The following DIXDC1 variants were observed in gnomAD, a reference collection of about 807,000 sequenced individuals.
DIXDC1 encodes DIX domain containing 1, also known as dixin.
Under a neutral mutation model 103.1 loss-of-function variants are expected in DIXDC1, and 64 were observed. The observed-to-expected ratio is 0.62, with a 90% confidence interval of 0.51 to 0.76. The LOEUF is 0.76. Ranked by LOEUF, DIXDC1 falls within the 30% of genes least tolerant of loss-of-function variation. DIXDC1 has a pLI of 0.00. For synonymous variants in DIXDC1, 266 were observed against 298.5 expected (o/e 0.89, Z 1.12); for missense variants, 759 against 834.2 (o/e 0.91, Z 1.11).
At chr11:111,959,824 GT>G (rs1426687244) in intron 1 of DIXDC1, among the ~76,000 whole-genome samples, 1 of 152,202 alleles carries the variant, frequency 6.6e-6, no homozygotes, top group Non-Finnish European at 1.5e-5. Context: ...ATACTTAGTG[GT>G]TTTGAATGAC....
At chr11:111,950,436 ATATTTTTTTTTTTTTTTTT>A (rs1377891723) in intron 1 of DIXDC1, among the ~76,000 whole-genome samples, 18 of 20,882 alleles carry the variant, frequency 8.6e-4, no homozygotes, top group African/African-American at 4.5e-3. Flanking sequence ...ATATATATAT[ATATTTTTTTTTTTTTTTTT>A]TTTTTTTTTT....
intron 1 of DIXDC1, among the ~76,000 whole-genome samples, chr11:111,949,805 C>T (rs1249227211): frequency 1.3e-5 from 2 of 152,198 alleles, no homozygotes; most frequent in Non-Finnish European, 2.9e-5. Context: ...TGCCCTTGTC[C>T]TCTCTGCAAT....
In DIXDC1 at chr11:111,998,394, T is replaced by C. The variant is rs587729592; in HGVS notation, c.1756+2248T>C. 6.6e-6 allele frequency among the ~76,000 whole-genome samples: 1 copy of C among 152,342 alleles called. No individual in the cohort carries two copies. The highest frequency in any genetic ancestry group is 1.9e-4 in the East Asian group (1 of 5,190). On this transcript the variant is annotated intron_variant, in intron 17 of 19. Transcript: ENST00000440460. The surrounding 1 kb of genome is among the most constrained non-coding windows in gnomAD (Gnocchi z 4.1). The stretch of plus-strand genomic sequence containing the variant: ...TGATGTGTCCTGGGATTCCATCCAA[T>C]TGAAGCCTAAACCTAAGCCTTTTCA...
At chr11:111,964,030 C>T (rs1043639946) in intron 1 of DIXDC1, among the ~76,000 whole-genome samples, 4 of 152,320 alleles carry the variant, frequency 2.6e-5, no homozygotes, top group Middle Eastern at 3.4e-3. Context: ...ACTTAAGTCT[C>T]ATTTTGAAGA....
chr11:111,964,473 G>C lies in DIXDC1; in HGVS notation c.61-76G>C. 4 of 1,513,452 alleles carry C rather than the reference G, an allele frequency of 2.6e-6. No individual in the cohort carries two copies. In the South Asian group the frequency reaches 3.7e-5, roughly 14 times the overall value. The allele number at this position is 1,513,452 out of a possible 1,614,324, so 93.8% of individuals were successfully genotyped here. A position where few individuals can be genotyped will look rare whatever the true frequency, so the allele number is the denominator to read the frequency against. On this transcript the variant is annotated intron_variant, in intron 1 of 19. Transcript: ENST00000440460. ...TGTTTATTATACCCCAGTCACAAACGCTTCCTCAGAGGGTATGAGGTAAGG... is the reference window on the plus strand; with the variant it reads ...TGTTTATTATACCCCAGTCACAAACCCTTCCTCAGAGGGTATGAGGTAAGG...
intron 1 of DIXDC1, among the ~76,000 whole-genome samples, chr11:111,961,992 T>C (rs1170509311): frequency 2.0e-5 from 3 of 152,192 alleles, no homozygotes; most frequent in Admixed American, 2.0e-4. Flanking sequence ...TAGCACCCTA[T>C]GTACCCCGTC....
chr11:111,934,792 T>A (rs1966142204), upstream of DIXDC1, among the ~76,000 whole-genome samples: 1 of 152,228 alleles, frequency 6.6e-6, no homozygotes, highest in African/African-American at 2.4e-5. Flanking sequence ...ATTTTGTGCT[T>A]TTTCCAAATG....
At position 111,977,241 on chromosome 11, in the gene DIXDC1, G is replaced by A. The variant is rs1566516237; in HGVS notation, c.656+2258G>A. ...TCGGTTGGCCAGCGGAGCTGGCTTG[G>A]GTCGGAGCCCGGCTGCCTCGCCGCG... On this transcript the variant is annotated intron_variant, in intron 5 of 19. Coordinates refer to ENST00000440460, the MANE Select transcript of DIXDC1 (RefSeq NM_001037954.4). The surrounding 1 kb of genome is among the most constrained non-coding windows in gnomAD (Gnocchi z 6.1). The A allele has an allele frequency of 1.0e-6, 1 of 1,001,628 alleles. No individual in the cohort carries two copies. Among genetic ancestry groups the A allele is most frequent in the Non-Finnish European group, 1.2e-6 (1 of 841,058 alleles). The allele number at this position is 1,001,628 out of a possible 1,614,324, so 62.0% of individuals were successfully genotyped here. A position where few individuals can be genotyped will look rare whatever the true frequency, so the allele number is the denominator to read the frequency against.
intron 2 of DIXDC1, among the ~76,000 whole-genome samples, chr11:111,966,367 C>T (rs145944324): frequency 0.017 from 2,579 of 148,658 alleles, 76 homozygotes; most frequent in African/African-American, 0.058. Flanking sequence ...GGACTACATG[C>T]GTGCACCACC....
At chr11:111,987,819 C>G (rs1283564364) in intron 9 of DIXDC1, among the ~76,000 whole-genome samples, 1 of 151,990 alleles carries the variant, frequency 6.6e-6, no homozygotes, top group East Asian at 1.9e-4. Context: ...GCCACCATAC[C>G]TGGCTAATTT....
chr11:111,947,221 T>C (rs1966626348), intron 1 of DIXDC1, among the ~76,000 whole-genome samples: 1 of 152,174 alleles, frequency 6.6e-6, no homozygotes, highest in African/African-American at 2.4e-5. Flanking sequence ...AGCACTGCTT[T>C]TCCCTATTTT....
In DIXDC1 at chr11:111,977,203, C is replaced by T; in HGVS notation, c.656+2220C>T. On this transcript the variant is annotated intron_variant, in intron 5 of 19. Transcript: ENST00000440460. This position sits in a 1 kb window ranked among gnomAD's most constrained non-coding sequence, Gnocchi z 6.1. ...CGCCCCTGGCCCGCACCCTCAACCT[C>T]CGTCCAGAGCGGTCGGTTGGCCAGC... The T allele has an allele frequency of 5.3e-6, 5 of 946,338 alleles. No homozygotes were observed. The highest frequency in any genetic ancestry group is 6.3e-6 in the Non-Finnish European group (5 of 793,510). 58.6% of individuals were successfully genotyped at this position (946,338 alleles called of 1,614,324 possible).
rs2137661536 is a variant in DIXDC1, at chr11:112,022,343, A to C, written c.*3307A>C. On this transcript the variant is annotated 3_prime_UTR_variant, in exon 20 of 20. Coordinates refer to ENST00000440460, the MANE Select transcript of DIXDC1 (RefSeq NM_001037954.4). The surrounding 1 kb of genome is among the most constrained non-coding windows in gnomAD (Gnocchi z 4.9). ...TTTATGTAAGAGGTATAGCTTGCTT[A>C]AAATACATATATATGTAAAGTTATA... 1 of 152,382 alleles carries C rather than the reference A, an allele frequency of 6.6e-6. No individual in the cohort carries two copies. The highest frequency in any genetic ancestry group is 1.9e-4 in the East Asian group (1 of 5,188). The allele number at this position is 152,382 out of a possible 1,614,324, so 9.4% of individuals were successfully genotyped here.
intron 3 of DIXDC1, among the ~76,000 whole-genome samples, chr11:111,970,203 G>A (rs1163473637): frequency 1.3e-5 from 2 of 152,108 alleles, no homozygotes; most frequent in African/African-American, 4.8e-5. Context: ...CTACAGGCAT[G>A]CGCCACCATG....
intron 7 of DIXDC1, among the ~76,000 whole-genome samples, chr11:111,983,263 G>A (rs1292814429): frequency 6.6e-5 from 10 of 152,244 alleles, no homozygotes; most frequent in Non-Finnish European, 1.5e-5. Context: ...CACATTATGT[G>A]TGTGGCTCTG....
chr11:111,949,226 G>A (rs587708099), intron 1 of DIXDC1, among the ~76,000 whole-genome samples: 7 of 151,952 alleles, frequency 4.6e-5, no homozygotes, highest in South Asian at 2.1e-4. Flanking sequence ...CTCCCACCCC[G>A]CCCCCAGCTC....
In DIXDC1 at chr11:111,989,849, C is replaced by T. The variant is rs1428509824; in HGVS notation, c.1113+794C>T. 6.7e-5 allele frequency among the ~76,000 whole-genome samples: 10 copies of T among 149,260 alleles called. No individual in the cohort carries two copies. The South Asian group carries it at 8.5e-4, about 13-fold the overall frequency. Reference sequence around the variant, plus strand: ...TGTTGCCCAGGCTGGAGTGCAGTGGCGCAATCTTGGCTCACTGCAAGCTCT... The same window carrying T: ...TGTTGCCCAGGCTGGAGTGCAGTGGTGCAATCTTGGCTCACTGCAAGCTCT... On this transcript the variant is annotated intron_variant, in intron 10 of 19. Transcript: ENST00000440460.
intron 17 of DIXDC1, among the ~76,000 whole-genome samples, chr11:112,007,994 A>G (rs183583926): frequency 1.1e-4 from 17 of 152,304 alleles, no homozygotes; most frequent in South Asian, 6.2e-4. Flanking sequence ...AAATGCCCCA[A>G]TGAAAAGTGA....
At chr11:111,995,232 G>A (rs1297441028) in intron 15 of DIXDC1, 124 bp downstream of exon 15, 3 of 1,307,856 alleles carry the variant, frequency 2.3e-6, no homozygotes, top group African/African-American at 2.9e-5. Flanking sequence ...TCTGTGGAGT[G>A]TGTAAAGATG....
Sources: allele counts gnomAD v4.1 joint callset (sites outside exome capture counted in the v4.1 genomes callset), GRCh38; gene constraint gnomAD v4.1.1; non-coding constraint Gnocchi (gnomAD v3.1); transcripts MANE v1.5; gene names NCBI Gene and HGNC (gene_info 2026-07-23, HGNC 2026-07-21).